STX17: variants seen among roughly 807,000 people sequenced by gnomAD.
STX17 encodes the protein syntaxin-17.
Under a neutral mutation model 35.9 loss-of-function variants are expected in STX17, and 29 were observed. The ratio of observed to expected loss-of-function variants is 0.81; its 90% CI spans 0.60 to 1.10. STX17 has a LOEUF of 1.10. Ranked by LOEUF, STX17 falls within the 50% of genes least tolerant of loss-of-function variation. STX17 has a pLI of 0.00. For synonymous variants in STX17, 92 were observed against 118.3 expected (o/e 0.78, Z 1.44); for missense variants, 312 against 352.3 (o/e 0.89, Z 0.92).
At chr9:99,927,579 G>A (rs1395203535) in intron 2 of STX17, among the ~76,000 whole-genome samples, 2 of 152,060 alleles carry the variant, frequency 1.3e-5, no homozygotes, top group Non-Finnish European at 2.9e-5. Flanking sequence ...AGGTTCAAGC[G>A]ATCTCCTGCC....
At chr9:99,954,040 G>A (rs1829659714) in intron 4 of STX17, 1 of 151,994 alleles carries the variant, frequency 6.6e-6, no homozygotes, top group Non-Finnish European at 1.5e-5. Flanking sequence ...TTTTGAAGAA[G>A]TATGTGCATA....
In STX17 at chr9:99,969,955, T is replaced by C. The variant is rs9556; in HGVS notation, c.*1282T>C. On this transcript the variant is annotated 3_prime_UTR_variant, in exon 8 of 8. Transcript: ENST00000259400. Reference sequence around the variant, plus strand: ...CACAGCAAGCATGGCCCAGCCCAACTGCATGTCTATCTCAAACCGCAGAAA... The same window carrying C: ...CACAGCAAGCATGGCCCAGCCCAACCGCATGTCTATCTCAAACCGCAGAAA... 0.69 allele frequency: 105,776 copies of C among 152,560 alleles called. 36,973 individuals carry two copies. The highest frequency in any genetic ancestry group is 0.75 in the African/African-American group (30,998 of 41,432). 9.5% of individuals were successfully genotyped at this position (152,560 alleles called of 1,614,324 possible). A position where few individuals can be genotyped will look rare whatever the true frequency, so the allele number is the denominator to read the frequency against.
intron 3 of STX17, among the ~76,000 whole-genome samples, chr9:99,931,971 A>G (rs1371017144): frequency 6.6e-6 from 1 of 152,186 alleles, no homozygotes; most frequent in Non-Finnish European, 1.5e-5. Context: ...TGCTTGGGCA[A>G]GCTGGCGTTT....
chr9:99,936,174 C>G (rs922750305), intron 3 of STX17, among the ~76,000 whole-genome samples: 1 of 152,120 alleles, frequency 6.6e-6, no homozygotes, highest in Non-Finnish European at 1.5e-5. Flanking sequence ...CTGCTATGAA[C>G]ATTTGGGTAC....
chr9:99,931,818 A>T (rs980478927), intron 3 of STX17, among the ~76,000 whole-genome samples: 2 of 151,714 alleles, frequency 1.3e-5, no homozygotes, highest in African/African-American at 4.8e-5. Flanking sequence ...TGCTATTATG[A>T]TATTTAGTTT....
intron 6 of STX17, 78 bp from the exon 7 acceptor site, chr9:99,967,575 A>C: frequency 1.1e-5 from 14 of 1,298,328 alleles, no homozygotes; most frequent in Non-Finnish European, 1.4e-5. Context: ...GGCCCTGATT[A>C]CAGGAATTAA....
intron 1 of STX17, among the ~76,000 whole-genome samples, chr9:99,911,717 C>T (rs143122004): frequency 1.5e-3 from 231 of 152,150 alleles, no homozygotes; most frequent in African/African-American, 5.4e-3. Context: ...ACTGGGACTA[C>T]AGGCACCCAC....
At chr9:99,926,895 C>A (rs1828996997) in intron 2 of STX17, among the ~76,000 whole-genome samples, 1 of 152,176 alleles carries the variant, frequency 6.6e-6, no homozygotes, top group South Asian at 2.1e-4. Flanking sequence ...GAGTATTCTA[C>A]CTGATACTCA....
Position 99,967,678 on chromosome 9 carries a change from T to C in STX17, c.608T>C (p.Ile203Thr). Reference sequence around the variant, plus strand: ...TCTCAGCAGGAGAAGATTGACAGCATTGCAGACCATGTCAACAGTGCTGCT... The same window carrying C: ...TCTCAGCAGGAGAAGATTGACAGCACTGCAGACCATGTCAACAGTGCTGCT... ...VNSQQEKIDSIADHVNSAAVN... is the reference protein window; with the variant it reads ...VNSQQEKIDSTADHVNSAAVN... Residue 203 changes from isoleucine to threonine, a missense_variant, in exon 7 of 8, where the codon ATT becomes ACT. Ile to Thr is a moderately conservative substitution (Grantham distance 89, BLOSUM62 -1). Coordinates refer to ENST00000259400, the MANE Select transcript of STX17 (RefSeq NM_017919.3). 1 of 1,613,886 alleles carries C rather than the reference T, an allele frequency of 6.2e-7. No homozygotes were observed. The highest frequency in any genetic ancestry group is 8.5e-7 in the Non-Finnish European group (1 of 1,179,876).
At chr9:99,929,006 T>C in intron 3 of STX17, 163 bp downstream of exon 3, 1 of 568,610 alleles carries the variant, frequency 1.8e-6, no homozygotes, top group Admixed American at 3.4e-5. Context: ...ATGCCATACA[T>C]ATTTTCAAAG....
chr9:99,971,626 G>C lies in STX17; in HGVS notation c.*2953G>C, dbSNP rs1336713744. ...TGGGCTTCAGAGAAAATAATTTGCAGAGGTTTACTCAACTACAAAGGGGTG... is the reference window on the plus strand; with the variant it reads ...TGGGCTTCAGAGAAAATAATTTGCACAGGTTTACTCAACTACAAAGGGGTG... On this transcript the variant is annotated 3_prime_UTR_variant, in exon 8 of 8. Coordinates refer to ENST00000259400, the MANE Select transcript of STX17 (RefSeq NM_017919.3). 6.6e-6 allele frequency among the ~76,000 whole-genome samples: 1 copy of C among 152,186 alleles called. No homozygotes were observed. The highest frequency in any genetic ancestry group is 2.4e-5 in the African/African-American group (1 of 41,442).
intron 2 of STX17, among the ~76,000 whole-genome samples, chr9:99,918,887 G>A (rs1029086498): frequency 6.6e-5 from 10 of 152,144 alleles, no homozygotes; most frequent in Non-Finnish European, 1.3e-4. Context: ...GCAGGGGTTG[G>A]GTGAGGAGCT....
chr9:99,911,635 G>T (rs576978627), intron 1 of STX17, among the ~76,000 whole-genome samples: 3 of 152,212 alleles, frequency 2.0e-5, no homozygotes, highest in Non-Finnish European at 4.4e-5. Context: ...CTAGGCTGTA[G>T]TGTAGTAGTA....
In STX17 at chr9:99,968,745, C is replaced by T; in HGVS notation, c.*72C>T. ...CCTTTGCTGCTGTTGGACACTCCGT[C>T]ACCTTTTGGAACACAAGTATATCAA... On this transcript the variant is annotated 3_prime_UTR_variant, in exon 8 of 8. Transcript: ENST00000259400. The T allele has an allele frequency of 6.4e-7, 1 of 1,554,378 alleles. No individual in the cohort carries two copies. The highest frequency in any genetic ancestry group is 8.7e-7 in the Non-Finnish European group (1 of 1,150,726).
chr9:99,915,947 G>A, intron 2 of STX17: 1 of 439,964 alleles, frequency 2.3e-6, no homozygotes, highest in Admixed American at 2.5e-5. Flanking sequence ...ATAATGTAAA[G>A]GCAGAGAACT....
chr9:99,925,655 C>T (rs940858069), intron 2 of STX17, among the ~76,000 whole-genome samples: 3 of 152,058 alleles, frequency 2.0e-5, no homozygotes, highest in Non-Finnish European at 4.4e-5. Flanking sequence ...CTGTCATTTT[C>T]GAATACTTCC....
chr9:99,952,511 C>T (rs1459895988), intron 4 of STX17, among the ~76,000 whole-genome samples: 1 of 152,056 alleles, frequency 6.6e-6, no homozygotes, highest in Non-Finnish European at 1.5e-5. Flanking sequence ...ATCATTTGAC[C>T]CAGCCATCCC....
chr9:99,946,234 A>T (rs1829479651), intron 3 of STX17, among the ~76,000 whole-genome samples: 1 of 152,170 alleles, frequency 6.6e-6, no homozygotes, highest in African/African-American at 2.4e-5. Flanking sequence ...GCGATAAAGT[A>T]TACAGGAGGA....
At chr9:99,937,851 A>G (rs1188560362) in intron 3 of STX17, 1 of 152,186 alleles carries the variant, frequency 6.6e-6, no homozygotes, top group African/African-American at 2.4e-5. Flanking sequence ...TTATGTTTAT[A>G]TAAAACAATG....
Sources: allele counts gnomAD v4.1 joint callset (sites outside exome capture counted in the v4.1 genomes callset), GRCh38; gene constraint gnomAD v4.1.1; transcripts MANE v1.5; gene names NCBI Gene and HGNC (gene_info 2026-07-23, HGNC 2026-07-21).